Variants in ATG4C observed in about 807,000 individuals in gnomAD.
The protein encoded by ATG4C is autophagy related 4C cysteine peptidase.
In ATG4C, 56 loss-of-function variants were observed where a neutral mutation model predicts 57.6. The observed-to-expected ratio is 0.97, with a 90% CI of 0.78 to 1.21. The LOEUF is 1.21. Ranked by LOEUF, ATG4C falls within the 50% of genes most tolerant of loss-of-function variation. ATG4C has a pLI of 0.00. For missense variants in ATG4C, 595 were observed against 529.8 expected (o/e 1.12, Z -1.21); for synonymous variants, 157 against 174.1 (o/e 0.90, Z 0.78).
At position 62,851,030 on chromosome 1, in the gene ATG4C, A is replaced by G. The variant is rs1310820178; in HGVS notation, c.1209+9483A>G. On this transcript the variant is annotated intron_variant, in intron 10 of 10. Coordinates refer to ENST00000317868, the MANE Select transcript of ATG4C (RefSeq NM_032852.4). ...GTATCCCCAGTGCTTAGCACTGGCT[A>G]TCACATTGTAGAAGGTCAGTAAATC... Among the ~76,000 whole-genome samples, 8 of 151,304 alleles carry G rather than the reference A, an allele frequency of 5.3e-5. No homozygotes were observed. In the East Asian group the frequency reaches 7.8e-4, roughly 15 times the overall value.
chr1:62,829,177 G>A lies in ATG4C; in HGVS notation c.933+1G>A. On this transcript the variant is annotated splice_donor_variant, in intron 7 of 10. Transcript: ENST00000317868. LOFTEE classifies it high-confidence loss of function. ...CACCGACTACTTAGAATTTGTGAAG[G>A]TATGAAATAAGTGCTGAACTTTTTT... The A allele has an allele frequency of 6.2e-7, 1 of 1,611,986 alleles. No homozygotes were observed. Among genetic ancestry groups the A allele is most frequent in the Non-Finnish European group, 8.5e-7 (1 of 1,178,888 alleles).
chr1:62,831,243 G>A (rs1003356441), intron 7 of ATG4C, among the ~76,000 whole-genome samples: 8 of 152,090 alleles, frequency 5.3e-5, no homozygotes, highest in African/African-American at 1.7e-4. Context: ...AGAGGGGATG[G>A]TTGAGTCAAA....
intron 1 of ATG4C, among the ~76,000 whole-genome samples, chr1:62,794,563 T>C (rs1020782744): frequency 3.9e-5 from 6 of 152,224 alleles, no homozygotes; most frequent in African/African-American, 1.4e-4. Context: ...ATGTCCTGCC[T>C]TTATTGTGTT....
chr1:62,796,207 G>GTTTTTT (rs60552573), intron 1 of ATG4C, among the ~76,000 whole-genome samples: 3 of 91,196 alleles, frequency 3.3e-5, no homozygotes, highest in Non-Finnish European at 4.4e-5. Context: ...ATTTGTGTGG[G>GTTTTTT]TTTTTTTTTT....
chr1:62,836,067 T>C (rs569587007), intron 9 of ATG4C, among the ~76,000 whole-genome samples: 1 of 152,230 alleles, frequency 6.6e-6, no homozygotes, highest in East Asian at 1.9e-4. Context: ...CTGATTATTT[T>C]GGCCAGTAGA....
rs1300226918 is a variant in ATG4C at position 62,821,757 on chromosome 1, A to C, written c.796+548A>C. ...CGATTTTGTATTTTTTGGACCTTTC[A>C]ATATTTGCATGTATGTAATGAGATA... On this transcript the variant is annotated intron_variant, in intron 6 of 10. Coordinates refer to ENST00000317868, the MANE Select transcript of ATG4C (RefSeq NM_032852.4). Among the ~76,000 whole-genome samples, 3 of 152,122 alleles carry C rather than the reference A, an allele frequency of 2.0e-5. No individual in the cohort carries two copies. The East Asian group carries it at 5.8e-4, about 29-fold the overall frequency.
At chr1:62,794,481 G>A (rs754264379) in intron 1 of ATG4C, among the ~76,000 whole-genome samples, 1 of 152,078 alleles carries the variant, frequency 6.6e-6, no homozygotes, top group African/African-American at 2.4e-5. Flanking sequence ...TTTTCTTGAG[G>A]CAAAACTATC....
At chr1:62,803,303 T>G (rs987355220) in intron 1 of ATG4C, among the ~76,000 whole-genome samples, 2 of 152,190 alleles carry the variant, frequency 1.3e-5, no homozygotes, top group East Asian at 1.9e-4. Flanking sequence ...ATTCTGAAGA[T>G]AGTCAAGATT....
intron 3 of ATG4C, among the ~76,000 whole-genome samples, chr1:62,809,700 TAAAG>T (rs976891462): frequency 1.3e-5 from 2 of 149,992 alleles, no homozygotes; most frequent in African/African-American, 2.4e-5. Flanking sequence ...TCCAAAATAA[TAAAG>T]AACCACAAAT....
chr1:62,791,073 A>T (rs1664260322), intron 1 of ATG4C, among the ~76,000 whole-genome samples: 1 of 152,200 alleles, frequency 6.6e-6, no homozygotes, highest in Non-Finnish European at 1.5e-5. Context: ...GATATTATTC[A>T]TGTGTGAATA....
intron 6 of ATG4C, among the ~76,000 whole-genome samples, chr1:62,822,614 A>G (rs1010733570): frequency 1.3e-5 from 2 of 152,128 alleles, no homozygotes; most frequent in Non-Finnish European, 2.9e-5. Flanking sequence ...TTTATCATTC[A>G]TGTTTAAGAC....
intron 9 of ATG4C, among the ~76,000 whole-genome samples, chr1:62,836,936 C>A (rs1257837626): frequency 6.6e-6 from 1 of 152,078 alleles, no homozygotes; most frequent in African/African-American, 2.4e-5. Flanking sequence ...GAGATTTAAA[C>A]AGATTGCATT....
In ATG4C at chr1:62,819,007, TG is replaced by T. The variant is rs767239086; in HGVS notation, c.399del (p.Trp133Ter). On this transcript the variant is annotated frameshift_variant, in exon 5 of 11. Coordinates refer to ENST00000317868, the MANE Select transcript of ATG4C (RefSeq NM_032852.4). LOFTEE classifies it high-confidence loss of function. ...ACTTTGCTTTGGAACTACTATAGCT[TG>T]GACCTGGCCTGATGCTTTGAATATT... The part of the protein sequence containing the change: ...GLILHFLGRA[W>X]TWPDALNIEN... 1 of 1,541,244 alleles carries T rather than the reference TG, an allele frequency of 6.5e-7. No homozygotes were observed. Among genetic ancestry groups the T allele is most frequent in the Non-Finnish European group, 8.7e-7 (1 of 1,149,396 alleles).
At chr1:62,853,870 T>A (rs1666596081) in intron 10 of ATG4C, among the ~76,000 whole-genome samples, 1 of 152,218 alleles carries the variant, frequency 6.6e-6, no homozygotes, top group Admixed American at 6.5e-5. Context: ...AATAATCGTT[T>A]CCTCTGTTTT....
intron 3 of ATG4C, among the ~76,000 whole-genome samples, chr1:62,813,768 A>G (rs1665170400): frequency 6.6e-6 from 1 of 152,158 alleles, no homozygotes; most frequent in South Asian, 2.1e-4. Flanking sequence ...AAACAATCCC[A>G]TCAAAAAGTG....
chr1:62,793,668 C>CA (rs1164896355), intron 1 of ATG4C, among the ~76,000 whole-genome samples: 1 of 117,498 alleles, frequency 8.5e-6, no homozygotes, highest in Non-Finnish European at 1.9e-5. Flanking sequence ...CACCAAAAAA[C>CA]AAAAAAAGTA....
chr1:62,803,114 A>C (rs766280991), intron 1 of ATG4C, among the ~76,000 whole-genome samples: 38 of 152,196 alleles, frequency 2.5e-4, no homozygotes, highest in Non-Finnish European at 3.4e-4. Flanking sequence ...AGCTACATTT[A>C]TTCTATTTTA....
rs1236046042 is a variant in ATG4C, at chr1:62,829,066, CAG to C, written c.826_827del (p.Ser276CysfsTer6). The C allele has an allele frequency of 5.0e-6, 8 of 1,611,314 alleles. No homozygotes were observed. The highest frequency in any genetic ancestry group is 2.2e-5 in the East Asian group (1 of 44,748). Reference protein sequence around the residue: ...TVYNSDVIDKQSASMTSDNAD... With the variant: ...TVYNSDVIDKXSASMTSDNAD... ...TTACAATTCTGATGTAATTGATAAA[CAG>C]AGTGCTTCCATGACTTCTGATAATG... On this transcript the variant is annotated frameshift_variant, in exon 7 of 11. Coordinates refer to ENST00000317868, the MANE Select transcript of ATG4C (RefSeq NM_032852.4). LOFTEE classifies it high-confidence loss of function.
intron 6 of ATG4C, among the ~76,000 whole-genome samples, chr1:62,821,937 C>A (rs12090494): frequency 6.6e-6 from 1 of 151,984 alleles, no homozygotes; most frequent in Admixed American, 6.6e-5. Context: ...CCATCACATG[C>A]AGTCACATGT....
Sources: gnomAD v4.1 joint callset for allele counts (sites outside exome capture counted in the v4.1 genomes callset) on GRCh38, gnomAD v4.1.1 for gene constraint, MANE v1.5 for transcripts, NCBI Gene and HGNC (gene_info 2026-07-23, HGNC 2026-07-21) for gene names.